PITPNC1: variants seen among roughly 807,000 people sequenced by gnomAD.
PITPNC1 encodes phosphatidylinositol transfer protein cytoplasmic 1.
A neutral mutation model predicts 44.7 loss-of-function variants in PITPNC1; 18 were observed. The observed-to-expected ratio is 0.40, with a 90% CI of 0.28 to 0.60. The LOEUF is 0.60. Ranked by LOEUF, PITPNC1 falls within the 20% of genes least tolerant of loss-of-function variation. PITPNC1 has a pLI of 0.39. For synonymous variants in PITPNC1, 141 were observed against 149.6 expected, an observed-to-expected ratio of 0.94 and a Z score of 0.42; for missense variants, 290 against 418.4, an observed-to-expected ratio of 0.69 and a Z score of 2.68.
At chr17:67,510,549 G>A (rs977554455) in intron 1 of PITPNC1, among the ~76,000 whole-genome samples, 11 of 152,108 alleles carry the variant, frequency 7.2e-5, no homozygotes, top group Non-Finnish European at 1.5e-4. Flanking sequence ...GCCCTTGACC[G>A]CCTCGGCCTC....
At chr17:67,462,595 T>C (rs1045782135) in intron 1 of PITPNC1, among the ~76,000 whole-genome samples, 3 of 152,052 alleles carry the variant, frequency 2.0e-5, no homozygotes, top group African/African-American at 7.2e-5. Context: ...TACCACTTAG[T>C]AGGCACTTTA....
intron 1 of PITPNC1, among the ~76,000 whole-genome samples, chr17:67,450,211 G>C (rs2039155716): frequency 6.6e-6 from 1 of 152,082 alleles, no homozygotes; most frequent in Non-Finnish European, 1.5e-5. Flanking sequence ...AATGTCTTTA[G>C]GCATTTGGAC....
At chr17:67,378,999 G>A (rs1879673801) in intron 1 of PITPNC1, 13 of 985,376 alleles carry the variant, frequency 1.3e-5, no homozygotes, top group Non-Finnish European at 1.6e-5. Flanking sequence ...TCCTTCTCCC[G>A]ATCCTGCGAA....
chr17:67,595,158 G>A (rs1165825813), intron 5 of PITPNC1, among the ~76,000 whole-genome samples: 1 of 152,196 alleles, frequency 6.6e-6, no homozygotes, highest in Non-Finnish European at 1.5e-5. Context: ...GTACTGAATA[G>A]TGTTTGCATA....
At chr17:67,426,047 C>T (rs745892015) in intron 1 of PITPNC1, among the ~76,000 whole-genome samples, 31 of 152,202 alleles carry the variant, frequency 2.0e-4, no homozygotes, top group Non-Finnish European at 1.2e-4. Context: ...CCATCATACA[C>T]TTCCTGTGCT....
intron 6 of PITPNC1, among the ~76,000 whole-genome samples, chr17:67,650,005 C>A (rs2042192037): frequency 6.6e-6 from 1 of 152,096 alleles, no homozygotes; most frequent in Admixed American, 6.6e-5. Flanking sequence ...AGCACCCCCT[C>A]CCTCCCTAGA....
chr17:67,414,387 A>T (rs1017486462), intron 1 of PITPNC1, among the ~76,000 whole-genome samples: 1 of 152,214 alleles, frequency 6.6e-6, no homozygotes, highest in South Asian at 2.1e-4. Context: ...AACTATTTAT[A>T]CATACAACAT....
intron 4 of PITPNC1, among the ~76,000 whole-genome samples, chr17:67,569,933 G>T (rs540341596): frequency 1.3e-5 from 2 of 152,196 alleles, no homozygotes. Context: ...TGAGAAAGAG[G>T]ATTCGAGACC....
At chr17:67,522,538 A>G (rs2040337892) in intron 1 of PITPNC1, among the ~76,000 whole-genome samples, 2 of 152,134 alleles carry the variant, frequency 1.3e-5, no homozygotes, top group African/African-American at 4.8e-5. Flanking sequence ...TTTTTTCATA[A>G]TCATAAAGTA....
chr17:67,620,957 C>G (rs2364954), intron 5 of PITPNC1, among the ~76,000 whole-genome samples: 6,842 of 152,216 alleles, frequency 0.045, 377 homozygotes, highest in African/African-American at 0.12. Context: ...GGGGCCCCCA[C>G]ATGGAAACCT....
At chr17:67,632,510 T>G in intron 6 of PITPNC1, 1 of 434,642 alleles carries the variant, frequency 2.3e-6, no homozygotes, top group South Asian at 3.7e-5. Flanking sequence ...TCCATAGGGC[T>G]GGACCATCCA....
intron 1 of PITPNC1, among the ~76,000 whole-genome samples, chr17:67,506,247 A>G (rs978045726): frequency 2.0e-5 from 3 of 152,224 alleles, no homozygotes; most frequent in African/African-American, 7.2e-5. Context: ...GCTGAAGAAA[A>G]GGAAATGAAG....
Position 67,425,197 on chromosome 17 carries a change from G to GCA in PITPNC1, c.48+46999_48+47000dup, listed in dbSNP as rs60303181. 1.3e-3 allele frequency among the ~76,000 whole-genome samples: 127 copies of GCA among 98,448 alleles called. 2 individuals carry two copies. The highest frequency in any genetic ancestry group is 5.6e-3 in the Admixed American group (50 of 8,966). The allele number at this position is 98,448 out of a possible 152,430, so 64.6% of individuals were successfully genotyped here. ...AAACAGCCATGTTGTGCGCGCGCAC[G>GCA]CACACGCACACACACACACACACAC... On this transcript the variant is annotated intron_variant, in intron 1 of 8. Coordinates refer to ENST00000581322, the MANE Select transcript of PITPNC1 (RefSeq NM_012417.4).
At chr17:67,463,606 T>C (rs1265932638) in intron 1 of PITPNC1, among the ~76,000 whole-genome samples, 1 of 152,138 alleles carries the variant, frequency 6.6e-6, no homozygotes, top group Non-Finnish European at 1.5e-5. Context: ...TGGAAAGATA[T>C]TTTATGTGTT....
rs567741441 is a variant in PITPNC1 at position 67,386,462 on chromosome 17, G to T, written c.48+8260G>T. 2.0e-5 allele frequency among the ~76,000 whole-genome samples: 3 copies of T among 152,238 alleles called. No homozygotes were observed. The South Asian group carries it at 6.2e-4, about 32-fold the overall frequency. On this transcript the variant is annotated intron_variant, in intron 1 of 8. Transcript: ENST00000581322. ...CCCGCCTCGGCCTCTCAGAGTGCTG[G>T]GATTACAGGTGTGAGCCACTGCGCC... is the stretch of plus-strand genomic sequence containing the variant.
intron 6 of PITPNC1, among the ~76,000 whole-genome samples, chr17:67,634,684 A>G (rs1408229449): frequency 6.6e-6 from 1 of 152,212 alleles, no homozygotes; most frequent in Non-Finnish European, 1.5e-5. Context: ...ACGTGCAGGA[A>G]GGCAGGTACG....
intron 4 of PITPNC1, among the ~76,000 whole-genome samples, chr17:67,569,837 G>A (rs1046648521): frequency 1.3e-5 from 2 of 152,174 alleles, no homozygotes; most frequent in Admixed American, 1.3e-4. Context: ...TATTTTCTAT[G>A]ATGCTTTCTC....
rs188640924 is a variant in PITPNC1, at chr17:67,494,833, G to A, written c.49-37969G>A. The stretch of plus-strand genomic sequence containing the variant: ...CAAAAAATACAAAAATTAGTCGGAC[G>A]TGGTGCTGCATGCCCGTGGTCCCAG... On this transcript the variant is annotated intron_variant, in intron 1 of 8. Coordinates refer to ENST00000581322, the MANE Select transcript of PITPNC1 (RefSeq NM_012417.4). 2.4e-4 allele frequency among the ~76,000 whole-genome samples: 37 copies of A among 151,978 alleles called. 1 individual carries two copies. The highest frequency in any genetic ancestry group is 8.7e-4 in the African/African-American group (36 of 41,478).
At chr17:67,609,434 C>T (rs1397370150) in intron 5 of PITPNC1, among the ~76,000 whole-genome samples, 1 of 151,852 alleles carries the variant, frequency 6.6e-6, no homozygotes, top group East Asian at 1.9e-4. Context: ...GGATTACAGG[C>T]ATGCGCCACC....
Sources: allele counts gnomAD v4.1 joint callset (sites outside exome capture counted in the v4.1 genomes callset), GRCh38; gene constraint gnomAD v4.1.1; transcripts MANE v1.5; gene names NCBI Gene and HGNC (gene_info 2026-07-23, HGNC 2026-07-21).